Variants in NEDD4L observed in about 807,000 individuals in gnomAD.
NEDD4L encodes the protein E3 ubiquitin-protein ligase NEDD4-like.
NEDD4L carries 54 observed loss-of-function variants against 148.9 expected under a neutral mutation model. The ratio of observed to expected loss-of-function variants is 0.36; its 90% confidence interval spans 0.29 to 0.45. The LOEUF is 0.45. Among genes scored for constraint, NEDD4L ranks in the 20% least tolerant of loss-of-function variants. The pLI is 1.00. For missense variants in NEDD4L, 856 were observed against 1,233.8 expected (o/e 0.69, Z 4.59); for synonymous variants, 433 against 440.7 (o/e 0.98, Z 0.22).
At chr18:58,144,761 A>G (rs1055674803) in intron 1 of NEDD4L, among the ~76,000 whole-genome samples, 2 of 152,210 alleles carry the variant, frequency 1.3e-5, no homozygotes, top group Admixed American at 1.3e-4. Context: ...TAGTGTGTCT[A>G]CACACCATTT....
chr18:58,312,919 A>G (rs1224297825), intron 5 of NEDD4L, among the ~76,000 whole-genome samples: 1 of 152,208 alleles, frequency 6.6e-6, no homozygotes, highest in Non-Finnish European at 1.5e-5. Flanking sequence ...ACCTCAAGTG[A>G]TCTGCCCGCC....
chr18:58,309,537 C>G (rs1244856187), intron 5 of NEDD4L, among the ~76,000 whole-genome samples: 1 of 152,038 alleles, frequency 6.6e-6, no homozygotes, highest in African/African-American at 2.4e-5. Flanking sequence ...AGAGATGCCT[C>G]CTGCCTGTGG....
chr18:58,315,628 T>C (rs1267968801), intron 5 of NEDD4L, among the ~76,000 whole-genome samples: 1 of 152,222 alleles, frequency 6.6e-6, no homozygotes, highest in Non-Finnish European at 1.5e-5. Flanking sequence ...TAAACACTTA[T>C]TAAAATGTTC....
rs376704161 is a variant in NEDD4L, at chr18:58,393,164, T to G, written c.2825+1605T>G. Among the ~76,000 whole-genome samples, 39 of 152,368 alleles carry G rather than the reference T, an allele frequency of 2.6e-4. No individual in the cohort carries two copies. The South Asian group carries it at 8.1e-3, about 32-fold the overall frequency. ...CATTCAGCCCATGTTTCTCTGTGAC[T>G]TCAGGGACACATATCTTACTATTGA... On this transcript the variant is annotated intron_variant, in intron 30 of 30. Transcript: ENST00000400345.
At chr18:58,226,661 A>C (rs896750) in intron 2 of NEDD4L, among the ~76,000 whole-genome samples, 5,591 of 152,254 alleles carry the variant, frequency 0.037, 297 homozygotes, top group African/African-American at 0.12. Context: ...TTTGGGACCT[A>C]CTGTGGTCTT....
At chr18:58,108,771 T>A (rs1397851982) in intron 1 of NEDD4L, among the ~76,000 whole-genome samples, 1 of 152,226 alleles carries the variant, frequency 6.6e-6, no homozygotes, top group African/African-American at 2.4e-5. Context: ...GACTGGATTT[T>A]GACTTAAGGC....
intron 4 of NEDD4L, among the ~76,000 whole-genome samples, 183 bp downstream of exon 4, chr18:58,249,120 G>A (rs776581133): frequency 2.0e-5 from 3 of 152,134 alleles, no homozygotes; most frequent in Non-Finnish European, 2.9e-5. Flanking sequence ...ACAGAATCCG[G>A]ACTTGTTTCA....
At chr18:58,199,629 T>C (rs1447944734) in intron 2 of NEDD4L, among the ~76,000 whole-genome samples, 2 of 152,222 alleles carry the variant, frequency 1.3e-5, no homozygotes, top group African/African-American at 4.8e-5. Context: ...GTGGTGATTC[T>C]GATGCTATAT....
At chr18:58,205,345 A>C (rs1480426326) in intron 2 of NEDD4L, among the ~76,000 whole-genome samples, 1 of 152,258 alleles carries the variant, frequency 6.6e-6, no homozygotes, top group Non-Finnish European at 1.5e-5. Flanking sequence ...AAGAGATTAA[A>C]GAAAGGTAAA....
chr18:58,357,084 A>G, intron 18 of NEDD4L, 110 bp from the exon 19 acceptor site: 1 of 933,640 alleles, frequency 1.1e-6, no homozygotes, highest in Non-Finnish European at 1.6e-6. Flanking sequence ...AGGGTGGGGG[A>G]CTGGACAGCT....
At chr18:58,362,780 A>C (rs916067702) in intron 19 of NEDD4L, among the ~76,000 whole-genome samples, 2 of 152,236 alleles carry the variant, frequency 1.3e-5, no homozygotes, top group African/African-American at 4.8e-5. Flanking sequence ...TGAGAAATAA[A>C]CTAGAGAGGA....
chr18:58,175,719 ACC>A (rs770302454), intron 2 of NEDD4L, among the ~76,000 whole-genome samples: 90 of 151,508 alleles, frequency 5.9e-4, no homozygotes, highest in Non-Finnish European at 1.1e-3. Flanking sequence ...ATTCCTTCCC[ACC>A]CCCCAAACCG....
intron 1 of NEDD4L, among the ~76,000 whole-genome samples, chr18:58,119,122 C>T (rs1026673310): frequency 6.6e-6 from 1 of 152,208 alleles, no homozygotes; most frequent in Non-Finnish European, 1.5e-5. Context: ...GAAAACACTT[C>T]ACCTCTAAGC....
intron 1 of NEDD4L, among the ~76,000 whole-genome samples, chr18:58,065,007 AT>A (rs1365168901): frequency 6.6e-6 from 1 of 152,166 alleles, no homozygotes. Context: ...TGGCACACGT[AT>A]TTTGCTCACA....
intron 19 of NEDD4L, among the ~76,000 whole-genome samples, chr18:58,360,742 T>TTGTGTG (rs10665833): frequency 0.035 from 5,181 of 146,036 alleles, 285 homozygotes; most frequent in African/African-American, 0.12. Context: ...AGTTTATAAT[T>TTGTGTG]TGTGTGTGTG....
chr18:58,080,692 G>T (rs537280985), intron 1 of NEDD4L, among the ~76,000 whole-genome samples: 1 of 152,336 alleles, frequency 6.6e-6, no homozygotes, highest in African/African-American at 2.4e-5. Flanking sequence ...AATAAGGAGC[G>T]AGAGGGTGGT....
chr18:58,226,199 C>G (rs2044330754), intron 2 of NEDD4L, among the ~76,000 whole-genome samples: 1 of 152,164 alleles, frequency 6.6e-6, no homozygotes, highest in Non-Finnish European at 1.5e-5. Flanking sequence ...ATATTGGAAA[C>G]TAGGAATATC....
At chr18:58,280,288 C>A (rs574607414) in intron 5 of NEDD4L, among the ~76,000 whole-genome samples, 22 of 152,294 alleles carry the variant, frequency 1.4e-4, no homozygotes, top group African/African-American at 5.1e-4. Flanking sequence ...CCAGCCCATT[C>A]CACTGTCTGG....
chr18:58,044,418 G>C lies in NEDD4L; in HGVS notation c.-243G>C. On this transcript the variant is annotated 5_prime_UTR_variant, in exon 1 of 31. Coordinates refer to ENST00000400345, the MANE Select transcript of NEDD4L (RefSeq NM_001144967.3). ...CGCCGGGGCTGCCGCCCGGTGCTCG[G>C]CGCGCTCTCGGGAGCCGCCCGCCCG... 3.2e-6 allele frequency: 1 copy of C among 308,786 alleles called. No homozygotes were observed. Among genetic ancestry groups the C allele is most frequent in the Non-Finnish European group, 5.6e-6 (1 of 178,622 alleles). The allele number at this position is 308,786 out of a possible 1,614,324, so 19.1% of individuals were successfully genotyped here.
Sources: gnomAD v4.1 joint callset for allele counts (sites outside exome capture counted in the v4.1 genomes callset) on GRCh38, gnomAD v4.1.1 for gene constraint, MANE v1.5 for transcripts, NCBI Gene and HGNC (gene_info 2026-07-23, HGNC 2026-07-21) for gene names.